ZNF560: variants seen among roughly 807,000 people sequenced by gnomAD.
The protein encoded by ZNF560 is zinc finger protein 560.
Under a neutral mutation model 81.8 loss-of-function variants are expected in ZNF560, and 54 were observed. That is an observed-to-expected ratio of 0.66 (90% CI 0.53 to 0.83). ZNF560 has a LOEUF of 0.83. Among genes scored for constraint, ZNF560 ranks in the 40% least tolerant of loss-of-function variants. The pLI is 0.00. For missense variants in ZNF560, 940 were observed against 932.4 expected, an observed-to-expected ratio of 1.01 and a Z score of -0.11; for synonymous variants, 321 against 317.9, an observed-to-expected ratio of 1.01 and a Z score of -0.10.
upstream of ZNF560, among the ~76,000 whole-genome samples, chr19:9,499,413 T>G (rs1214140252): frequency 3.9e-5 from 6 of 152,236 alleles, no homozygotes; most frequent in Admixed American, 3.9e-4. Flanking sequence ...CAGGCTGGTC[T>G]GGAACTCCTG....
At chr19:9,468,950 G>A (rs920503439) in intron 9 of ZNF560, among the ~76,000 whole-genome samples, 155 bp downstream of exon 9, 13 of 152,022 alleles carry the variant, frequency 8.6e-5, no homozygotes, top group Admixed American at 3.9e-4. Context: ...GGCTGGTCTC[G>A]AACTCCTGAC....
the ZNF560 span, among the ~76,000 whole-genome samples, chr19:9,455,179 C>A: frequency 3.3e-5 from 5 of 152,170 alleles, no homozygotes; most frequent in African/African-American, 1.2e-4. Flanking sequence ...AATGTTATGG[C>A]TACATTTGAG....
At chr19:9,502,972 A>G (rs1380621882), upstream of ZNF560, among the ~76,000 whole-genome samples, 1 of 151,672 alleles carries the variant, frequency 6.6e-6, no homozygotes, top group Non-Finnish European at 1.5e-5. Context: ...CTTCTTTATT[A>G]TTTCCTTTCT....
intron 2 of ZNF560, among the ~76,000 whole-genome samples, chr19:9,491,746 G>T (rs2073476623): frequency 8.2e-6 from 1 of 122,676 alleles, no homozygotes; most frequent in South Asian, 2.8e-4. Flanking sequence ...GAATCGCTTG[G>T]ACCTGGGAGG....
intron 2 of ZNF560, among the ~76,000 whole-genome samples, chr19:9,483,299 C>A (rs1047617225): frequency 1.3e-5 from 2 of 149,178 alleles, no homozygotes; most frequent in African/African-American, 5.0e-5. Flanking sequence ...GTGAGGAGCG[C>A]CTCTGCCCGG....
chr19:9,454,421 C>T, the ZNF560 span, among the ~76,000 whole-genome samples: 2 of 152,152 alleles, frequency 1.3e-5, no homozygotes, highest in Admixed American at 6.5e-5. Context: ...GGCTCGAACC[C>T]GGGTCGAAGG....
the ZNF560 span, among the ~76,000 whole-genome samples, chr19:9,453,839 G>C: frequency 6.6e-6 from 1 of 152,130 alleles, no homozygotes. Flanking sequence ...ATGAGTTAAG[G>C]AAAGGAGAAA....
intron 2 of ZNF560, among the ~76,000 whole-genome samples, chr19:9,493,167 A>G (rs1252984505): frequency 2.0e-5 from 3 of 152,192 alleles, no homozygotes; most frequent in Non-Finnish European, 2.9e-5. Flanking sequence ...CGTAGAAAAA[A>G]GGCAGGAAAA....
Position 9,473,235 on chromosome 19 carries a change from A to G in ZNF560, c.182T>C (p.Val61Ala), listed in dbSNP as rs770090411. ...CTCTTCTTCTTCCAACCAAGAGATG[A>G]CACTGGGTTTAAAGAGCTGAAATCC... ...KVGFQLFKPS[V>A]ISWLEEEELR... The change falls in exon 5 of 10, where the codon GTC becomes GCC. Residue 61 changes from valine (V) to alanine (A), a missense_variant. Coordinates refer to ENST00000301480, the MANE Select transcript of ZNF560 (RefSeq NM_152476.3). 37 of 1,612,326 alleles carry G rather than the reference A, an allele frequency of 2.3e-5. No individual in the cohort carries two copies. Among genetic ancestry groups the G allele is most frequent in the Non-Finnish European group, 2.8e-5 (33 of 1,179,310 alleles).
At chr19:9,478,299 T>C (rs1362112185) in intron 2 of ZNF560, among the ~76,000 whole-genome samples, 3 of 152,040 alleles carry the variant, frequency 2.0e-5, no homozygotes, top group African/African-American at 7.2e-5. Context: ...AAGAATACCA[T>C]ACCCAGCAAA....
Position 9,467,750 on chromosome 19 carries a change from A to G in ZNF560, c.1197T>C (p.Thr399=), listed in dbSNP as rs933641420. 3 of 1,614,170 alleles carry G rather than the reference A, an allele frequency of 1.9e-6. No individual in the cohort carries two copies. The highest frequency in any genetic ancestry group is 2.5e-6 in the Non-Finnish European group (3 of 1,180,028). ...SGFLEHVRTH[T]GEKPYGCKEC... ...CCTTACACCCATAGGGCTTCTCTCC[A>G]GTGTGAGTTCGTACATGTTCAAGAA... Residue 399 remains threonine (T), a synonymous_variant, in exon 10 of 10, where the codon ACT becomes ACC. Transcript: ENST00000301480.
At chr19:9,472,543 C>A (rs73018201) in intron 5 of ZNF560, among the ~76,000 whole-genome samples, 1 of 152,278 alleles carries the variant, frequency 6.6e-6, no homozygotes, top group African/African-American at 2.4e-5. Flanking sequence ...TTAGTTTGCG[C>A]GCTCCTTTTG....
intron 5 of ZNF560, among the ~76,000 whole-genome samples, chr19:9,472,600 A>G (rs1394018926): frequency 6.6e-6 from 1 of 152,148 alleles, no homozygotes; most frequent in African/African-American, 2.4e-5. Context: ...TCACCCCCAG[A>G]TCCCCAAATG....
At chr19:9,460,550 C>T in the ZNF560 span, among the ~76,000 whole-genome samples, 6 of 152,292 alleles carry the variant, frequency 3.9e-5, no homozygotes, top group African/African-American at 1.4e-4. Context: ...ATCTCACCCA[C>T]ACAGGGAAGG....
the ZNF560 span, among the ~76,000 whole-genome samples, chr19:9,451,860 A>C: frequency 6.6e-6 from 1 of 152,164 alleles, no homozygotes; most frequent in Non-Finnish European, 1.5e-5. Flanking sequence ...GGATAACTTG[A>C]GTTCAGGAGT....
At chr19:9,487,189 C>T (rs1441607890) in intron 2 of ZNF560, among the ~76,000 whole-genome samples, 2 of 152,196 alleles carry the variant, frequency 1.3e-5, no homozygotes, top group African/African-American at 2.4e-5. Context: ...TGTGTCATCT[C>T]GTCATTGTTC....
At chr19:9,505,786 C>A in the ZNF560 span, among the ~76,000 whole-genome samples, 1 of 152,034 alleles carries the variant, frequency 6.6e-6, no homozygotes, top group Non-Finnish European at 1.5e-5. Flanking sequence ...GTCTCAGCCT[C>A]CTGTGTAGCT....
intron 5 of ZNF560, among the ~76,000 whole-genome samples, chr19:9,471,594 A>T (rs934765766): frequency 6.6e-6 from 1 of 152,212 alleles, no homozygotes; most frequent in African/African-American, 2.4e-5. Context: ...ACTCATTTAG[A>T]TTTAAAACTA....
chr19:9,504,193 G>A, the ZNF560 span, among the ~76,000 whole-genome samples: 1 of 152,140 alleles, frequency 6.6e-6, no homozygotes, highest in Non-Finnish European at 1.5e-5. Context: ...CAGCATTTTG[G>A]GAGGCCAAGA....
Sources: allele counts gnomAD v4.1 joint callset (sites outside exome capture counted in the v4.1 genomes callset), GRCh38; gene constraint gnomAD v4.1.1; transcripts MANE v1.5; gene names NCBI Gene and HGNC (gene_info 2026-07-23, HGNC 2026-07-21).